ARHGEF11: variants seen among roughly 807,000 people sequenced by gnomAD.
ARHGEF11 encodes the protein Rho guanine nucleotide exchange factor 11, also known as Rho guanine exchange factor (GEF) 11.
ARHGEF11 carries 55 observed loss-of-function variants against 193.7 expected under a neutral mutation model. The observed-to-expected ratio is 0.28, with a 90% CI of 0.23 to 0.36. The LOEUF (loss-of-function observed/expected upper bound fraction) is 0.36. ARHGEF11 is among the 10% of genes least tolerant of loss of function. The pLI is 1.00. For synonymous variants in ARHGEF11, 693 were observed against 768.0 expected, an observed-to-expected ratio of 0.90 and a Z score of 1.62; for missense variants, 1,723 against 2,005.6, an observed-to-expected ratio of 0.86 and a Z score of 2.69.
At chr1:156,973,493 T>G (rs930967626) in intron 7 of ARHGEF11, among the ~76,000 whole-genome samples, 2 of 152,184 alleles carry the variant, frequency 1.3e-5, no homozygotes, top group African/African-American at 2.4e-5. Flanking sequence ...CAGTCCCCAG[T>G]TTCAACTATC....
chr1:156,951,631 G>A lies in ARHGEF11; in HGVS notation c.1867C>T (p.Pro623Ser). The change falls in exon 22 of 41, where the codon CCT becomes TCT. Residue 623 changes from proline to serine, a missense_variant. Around this residue, in one of 5 missense-constraint regions of ARHGEF11, gnomAD observed 491 missense variants for 654.5 expected, o/e 0.75. Transcript: ENST00000368194. The part of the protein sequence containing the change: ...ENNQQYDAPE[P>S]GTQRLSTGSF... ...CCGGTCGAGAGTCGTTGTGTCCCAG[G>A]TTCTGGGGCATCATACTGCTGGTTG... 6.2e-7 allele frequency: 1 copy of A among 1,614,174 alleles called. No homozygotes were observed. The highest frequency in any genetic ancestry group is 8.5e-7 in the Non-Finnish European group (1 of 1,180,026).
At chr1:157,005,733 T>C (rs1385797122) in intron 1 of ARHGEF11, among the ~76,000 whole-genome samples, 1 of 152,194 alleles carries the variant, frequency 6.6e-6, no homozygotes, top group Non-Finnish European at 1.5e-5. Flanking sequence ...CACAAACCCA[T>C]TCAAACCATT....
intron 1 of ARHGEF11, among the ~76,000 whole-genome samples, chr1:157,014,977 G>C (rs1460439120): frequency 6.6e-6 from 1 of 152,068 alleles, no homozygotes; most frequent in Non-Finnish European, 1.5e-5. Flanking sequence ...GAACTCTCTA[G>C]GGGACAACAC....
chr1:157,045,953 G>A (rs1673283389), upstream of ARHGEF11, among the ~76,000 whole-genome samples: 1 of 150,200 alleles, frequency 6.7e-6, no homozygotes, highest in Admixed American at 6.6e-5. Context: ...ACGCCGCGGC[G>A]GCCGGGGGCG....
At chr1:157,041,529 T>C (rs1337890843) in intron 1 of ARHGEF11, among the ~76,000 whole-genome samples, 1 of 152,230 alleles carries the variant, frequency 6.6e-6, no homozygotes, top group Non-Finnish European at 1.5e-5. Flanking sequence ...CATAGTCCTT[T>C]ATTATGTCAT....
At position 156,963,443 on chromosome 1, in the gene ARHGEF11, A is replaced by G; in HGVS notation, c.1038+77T>C. 13 of 1,532,454 alleles carry G rather than the reference A, an allele frequency of 8.5e-6. No individual in the cohort carries two copies. In the South Asian group the frequency reaches 1.5e-4, roughly 17 times the overall value. 94.9% of individuals were successfully genotyped at this position (1,532,454 alleles called of 1,614,324 possible). The stretch of plus-strand genomic sequence containing the variant: ...TCAAGTTCCCTTCACAGCTGATGCT[A>G]GTCAAACTGCTTCTAGTCAAGAGCA... On this transcript the variant is annotated intron_variant, in intron 12 of 40. Coordinates refer to ENST00000368194, the MANE Select transcript of ARHGEF11 (RefSeq NM_198236.3).
rs776669835 is a variant in ARHGEF11, at chr1:156,954,922, C to T, written c.1769-1G>A. On this transcript the variant is annotated splice_acceptor_variant, in intron 20 of 40. Coordinates refer to ENST00000368194, the MANE Select transcript of ARHGEF11 (RefSeq NM_198236.3). LOFTEE classifies it high-confidence loss of function. ...ACAGGGGACAAGGGAATATGAAATGCTAAAAGAAAAACAAACAAAAACAAA... is the reference window on the plus strand; with the variant it reads ...ACAGGGGACAAGGGAATATGAAATGTTAAAAGAAAAACAAACAAAAACAAA... The T allele has an allele frequency of 1.2e-6, 2 of 1,605,442 alleles. No individual in the cohort carries two copies. Among genetic ancestry groups the T allele is most frequent in the Non-Finnish European group, 1.7e-6 (2 of 1,177,242 alleles).
chr1:156,975,812 GA>G (rs1219438068), intron 7 of ARHGEF11, among the ~76,000 whole-genome samples: 1 of 152,134 alleles, frequency 6.6e-6, no homozygotes, highest in Non-Finnish European at 1.5e-5. Flanking sequence ...ACCATTTGTT[GA>G]AAATACTATT....
intron 6 of ARHGEF11, 42 bp downstream of exon 6, chr1:156,978,162 C>T (rs1465441170): frequency 1.2e-6 from 2 of 1,612,698 alleles, no homozygotes; most frequent in Non-Finnish European, 1.7e-6. Flanking sequence ...AGCTTTTCAA[C>T]AGGACATTAG....
chr1:157,036,759 T>C (rs1335477906), intron 1 of ARHGEF11, among the ~76,000 whole-genome samples: 4 of 152,194 alleles, frequency 2.6e-5, no homozygotes, highest in Non-Finnish European at 5.9e-5. Flanking sequence ...CAAAATGACT[T>C]CTACTGAAGA....
chr1:156,937,986 C>T (rs1655863852), intron 38 of ARHGEF11, among the ~76,000 whole-genome samples: 1 of 152,170 alleles, frequency 6.6e-6, no homozygotes, highest in African/African-American at 2.4e-5. Context: ...GGAGGAAGGA[C>T]GTGGAGGGTT....
chr1:157,009,912 C>T (rs1668346032), intron 1 of ARHGEF11, among the ~76,000 whole-genome samples: 1 of 152,330 alleles, frequency 6.6e-6, no homozygotes, highest in African/African-American at 2.4e-5. Flanking sequence ...GCTTTCTTCT[C>T]AACATGAACC....
At chr1:156,970,156 T>A (rs1015215147) in intron 8 of ARHGEF11, 113 bp from the exon 9 acceptor site, 2 of 866,880 alleles carry the variant, frequency 2.3e-6, no homozygotes, top group Non-Finnish European at 3.7e-6. Flanking sequence ...TTCCGCTTCA[T>A]TGCCTCAAAA....
chr1:156,978,045 A>G (rs907433833), intron 6 of ARHGEF11, among the ~76,000 whole-genome samples, 159 bp downstream of exon 6: 1 of 152,242 alleles, frequency 6.6e-6, no homozygotes, highest in Admixed American at 6.5e-5. Flanking sequence ...GTTATTGTGC[A>G]GCCTTCATTT....
intron 1 of ARHGEF11, among the ~76,000 whole-genome samples, chr1:156,989,272 T>C (rs755093953): frequency 2.0e-5 from 3 of 152,106 alleles, no homozygotes; most frequent in Non-Finnish European, 2.9e-5. Flanking sequence ...TTTATAATCG[T>C]TTCCCAGACT....
Position 156,948,019 on chromosome 1 carries a change from C to T in ARHGEF11, c.2154-63G>A, listed in dbSNP as rs112359870. On this transcript the variant is annotated intron_variant, in intron 24 of 40. Coordinates refer to ENST00000368194, the MANE Select transcript of ARHGEF11 (RefSeq NM_198236.3). The surrounding 1 kb of genome is among the most constrained non-coding windows in gnomAD (Gnocchi z 4.2). Reference sequence around the variant, plus strand: ...AAGAACTCACACAGAGGGTTTGGCCCTCCCTCTCCTGCCCGACCTGCTTGC... The same window carrying T: ...AAGAACTCACACAGAGGGTTTGGCCTTCCCTCTCCTGCCCGACCTGCTTGC... The T allele has an allele frequency of 0.011, 16,630 of 1,579,828 alleles. 130 individuals are homozygous for T. Among genetic ancestry groups the T allele is most frequent in the South Asian group, 0.017 (1,503 of 87,126 alleles).
intron 1 of ARHGEF11, among the ~76,000 whole-genome samples, chr1:157,014,673 T>A (rs143000705): frequency 5.7e-4 from 86 of 152,208 alleles, no homozygotes; most frequent in African/African-American, 1.9e-3. Context: ...TACCCCTCAA[T>A]CCACTGCAAT....
chr1:157,008,233 T>C (rs74116951), intron 1 of ARHGEF11, among the ~76,000 whole-genome samples: 1 of 152,126 alleles, frequency 6.6e-6, no homozygotes, highest in African/African-American at 2.4e-5. Flanking sequence ...TGTTATGGAC[T>C]GAATGTTTGT....
chr1:156,956,276 TG>T, intron 19 of ARHGEF11, 143 bp downstream of exon 19: 2 of 817,468 alleles, frequency 2.4e-6, no homozygotes, highest in Non-Finnish European at 3.8e-6. Context: ...ACCACTATGC[TG>T]GACTAATTTT....
Sources: gnomAD v4.1 joint callset for allele counts (sites outside exome capture counted in the v4.1 genomes callset) on GRCh38, gnomAD v4.1.1 for gene constraint, gnomAD v4.1.1 regional missense constraint, Gnocchi (gnomAD v3.1) non-coding constraint, MANE v1.5 for transcripts, NCBI Gene and HGNC (gene_info 2026-07-23, HGNC 2026-07-21) for gene names.